The following UPF2 variants were observed in gnomAD, a reference collection of about 807,000 sequenced individuals.
UPF2 encodes the protein UPF2 regulator of nonsense mediated mRNA decay.
UPF2 carries 17 observed loss-of-function variants against 141.4 expected under a neutral mutation model. The observed-to-expected ratio is 0.12, with a 90% CI of 0.08 to 0.18. The LOEUF (loss-of-function observed/expected upper bound fraction) is 0.18, where lower values mean the gene tolerates loss of function less well. Ranked by LOEUF, UPF2 falls within the 10% of genes least tolerant of loss-of-function variation. The probability of loss-of-function intolerance (pLI) is 1.00; values close to 1 mark genes in which losing one functional copy is unlikely to be tolerated. For synonymous variants in UPF2, 540 were observed against 498.0 expected, an observed-to-expected ratio of 1.08 and a Z score of -1.12; for missense variants, 1,152 against 1,515.9, an observed-to-expected ratio of 0.76 and a Z score of 3.99.
chr10:12,010,468 A>C (rs1273505766), intron 4 of UPF2, among the ~76,000 whole-genome samples: 1 of 152,240 alleles, frequency 6.6e-6, no homozygotes, highest in African/African-American at 2.4e-5. Context: ...AAATGGAATT[A>C]AGTTATTAGA....
Position 11,931,301 on chromosome 10 carries a change from TC to T in UPF2, c.3688+339del, listed in dbSNP as rs1832779364. Among the ~76,000 whole-genome samples, 1 of 152,208 alleles carries T rather than the reference TC, an allele frequency of 6.6e-6. No individual in the cohort carries two copies. Among genetic ancestry groups the T allele is most frequent in the Non-Finnish European group, 1.5e-5 (1 of 68,032 alleles). ...TGCACAATGATGAAATTGCCTAATG[TC>T]ACATTTTTTAGAATGCATCCCTGTC... On this transcript the variant is annotated intron_variant, in intron 20 of 21. Coordinates refer to ENST00000357604, the MANE Select transcript of UPF2 (RefSeq NM_015542.4). This position sits in a 1 kb window ranked among gnomAD's most constrained non-coding sequence, Gnocchi z 5.9.
intron 16 of UPF2, among the ~76,000 whole-genome samples, chr10:11,945,696 T>C (rs1832992158): frequency 6.6e-6 from 1 of 152,116 alleles, no homozygotes; most frequent in Non-Finnish European, 1.5e-5. Flanking sequence ...AAGGAGAAAA[T>C]GCACTTAGAG....
rs1463196394 is a variant in UPF2, at chr10:11,953,789, A to C, written c.2850+1443T>G. On this transcript the variant is annotated intron_variant, in intron 14 of 21. Transcript: ENST00000357604. This position sits in a 1 kb window ranked among gnomAD's most constrained non-coding sequence, Gnocchi z 5.0. ...CCCACTTTTTGCTCATCAATTCAGA[A>C]AGTAAGGGAGTAATAGGTTTCCCTC... 6.6e-6 allele frequency among the ~76,000 whole-genome samples: 1 copy of C among 152,194 alleles called. No homozygotes were observed. The highest frequency in any genetic ancestry group is 1.5e-5 in the Non-Finnish European group (1 of 68,042).
chr10:12,029,212 G>A lies in UPF2; in HGVS notation c.678C>T (p.Cys226=), dbSNP rs187264644. 19 of 1,614,196 alleles carry A rather than the reference G, an allele frequency of 1.2e-5. No homozygotes were observed. In the East Asian group the frequency reaches 3.8e-4, roughly 32 times the overall value. ...CAGCATAACGCTGGTGAAAGAGAGA[G>A]CAGAGGTGCACAGCACAGTTCACAT... is the stretch of plus-strand genomic sequence containing the variant. The part of the protein sequence containing the change: ...ISDVNCAVHL[C]SLFHQRYADF... The change falls in exon 3 of 22, where the codon TGC becomes TGT. Residue 226 remains cysteine (C), a synonymous_variant. Transcript: ENST00000357604.
rs1269053756 is a variant in UPF2 at position 11,953,199 on chromosome 10, G to A, written c.2851-950C>T. ...TAGTATATGAACAGGTATTCCTCTG[G>A]GAGTTTTACTCTTCCTCTCCAGTTT... On this transcript the variant is annotated intron_variant, in intron 14 of 21. Coordinates refer to ENST00000357604, the MANE Select transcript of UPF2 (RefSeq NM_015542.4). This position sits in a 1 kb window ranked among gnomAD's most constrained non-coding sequence, Gnocchi z 5.0. 6.6e-6 allele frequency among the ~76,000 whole-genome samples: 1 copy of A among 152,092 alleles called. No individual in the cohort carries two copies. The highest frequency in any genetic ancestry group is 6.6e-5 in the Admixed American group (1 of 15,266).
chr10:11,986,622 T>C (rs1283833507), intron 8 of UPF2, among the ~76,000 whole-genome samples: 1 of 152,156 alleles, frequency 6.6e-6, no homozygotes, highest in Non-Finnish European at 1.5e-5. Context: ...GCTGTTACGG[T>C]GCAATTAAAG....
At position 11,979,042 on chromosome 10, in the gene UPF2, T is replaced by G; in HGVS notation, c.1953+15A>C. On this transcript the variant is annotated intron_variant, in intron 9 of 21. Transcript: ENST00000357604. This position sits in a 1 kb window ranked among gnomAD's most constrained non-coding sequence, Gnocchi z 6.2. ...AAGAATATAAATATTTCAAAATAAA[T>G]GCTTAAATACATACATGAAATCTGA... 1 of 1,574,606 alleles carries G rather than the reference T, an allele frequency of 6.4e-7. No homozygotes were observed. The highest frequency in any genetic ancestry group is 8.7e-7 in the Non-Finnish European group (1 of 1,145,862).
intron 9 of UPF2, among the ~76,000 whole-genome samples, chr10:11,971,596 A>G (rs1365034252): frequency 6.6e-6 from 1 of 152,132 alleles, no homozygotes; most frequent in African/African-American, 2.4e-5. Context: ...ATATGTCAAA[A>G]CACTTCTGGA....
rs151331636 is a variant in UPF2, at chr10:11,987,657, G to C, written c.1845-8492C>G. Among the ~76,000 whole-genome samples, 246 of 150,890 alleles carry C rather than the reference G, an allele frequency of 1.6e-3. 2 individuals are homozygous for C. Among genetic ancestry groups the C allele is most frequent in the Middle Eastern group, 6.8e-3 (2 of 294 alleles). On this transcript the variant is annotated intron_variant, in intron 8 of 21. Coordinates refer to ENST00000357604, the MANE Select transcript of UPF2 (RefSeq NM_015542.4). ...CATGCCTGTAGTCCCAGCTACTAGGGAGGCTGAGGCGGGAGAATCACTTAA... is the reference window on the plus strand; with the variant it reads ...CATGCCTGTAGTCCCAGCTACTAGGCAGGCTGAGGCGGGAGAATCACTTAA...
At chr10:11,963,819 A>G (rs1350160968) in intron 11 of UPF2, among the ~76,000 whole-genome samples, 190 bp downstream of exon 11, 1 of 152,242 alleles carries the variant, frequency 6.6e-6, no homozygotes, top group Non-Finnish European at 1.5e-5. Context: ...ACTCGCTGGT[A>G]GCCAAGTGAG....
Position 11,964,020 on chromosome 10 carries a change from T to G in UPF2, c.2173A>C (p.Ser725Arg). ...CCTCAAGCCCTTACCAAAAGTACACTGGTCCTCAGGTGAGATTCTGGAGAT... is the reference window on the plus strand; with the variant it reads ...CCTCAAGCCCTTACCAAAAGTACACGGGTCCTCAGGTGAGATTCTGGAGAT... ...FRSPESHLRT[S>R]VLLEQMMRKK... The change falls in exon 11 of 22, where the codon AGT (serine) becomes CGT (arginine). Residue 725 changes from serine (S) to arginine (R), a missense_variant. This residue lies in a region of UPF2 where 739 missense variants were observed against 1,032.2 expected (regional missense o/e 0.72). Transcript: ENST00000357604. 6.2e-7 allele frequency: 1 copy of G among 1,613,046 alleles called. No individual in the cohort carries two copies. The highest frequency in any genetic ancestry group is 8.5e-7 in the Non-Finnish European group (1 of 1,179,280).
At chr10:11,985,115 T>A (rs1833665921) in intron 8 of UPF2, among the ~76,000 whole-genome samples, 1 of 152,202 alleles carries the variant, frequency 6.6e-6, no homozygotes, top group Non-Finnish European at 1.5e-5. Flanking sequence ...TAGGGATTTT[T>A]AAAATGAGTT....
chr10:12,004,761 A>T, intron 4 of UPF2, 34 bp from the exon 5 acceptor site: 1 of 1,591,572 alleles, frequency 6.3e-7, no homozygotes, highest in Non-Finnish European at 8.6e-7. Flanking sequence ...AATTAACATA[A>T]CTTGAGGTTA....
chr10:12,039,846 C>T (rs1334274410), intron 1 of UPF2, among the ~76,000 whole-genome samples: 1 of 152,058 alleles, frequency 6.6e-6, no homozygotes, highest in Non-Finnish European at 1.5e-5. Context: ...TCTCAAACTC[C>T]CGACCTCAGG....
intron 19 of UPF2, among the ~76,000 whole-genome samples, chr10:11,932,146 C>T (rs2131153929): frequency 6.8e-6 from 1 of 147,414 alleles, no homozygotes; most frequent in South Asian, 2.2e-4. Context: ...AAGACTCCAA[C>T]TCAATTAAAA....
rs1833793533 is a variant in UPF2, at chr10:11,992,345, G to C, written c.1844+5327C>G. 6.6e-6 allele frequency among the ~76,000 whole-genome samples: 1 copy of C among 152,010 alleles called. No individual in the cohort carries two copies. Among genetic ancestry groups the C allele is most frequent in the Non-Finnish European group, 1.5e-5 (1 of 68,008 alleles). The stretch of plus-strand genomic sequence containing the variant: ...AAATATCACTCAAATACAAGAATAA[G>C]TACATTTAAGAGTAAAAAGGAAAAT... On this transcript the variant is annotated intron_variant, in intron 8 of 21. Transcript: ENST00000357604. The surrounding 1 kb of genome is among the most constrained non-coding windows in gnomAD (Gnocchi z 4.1).
At chr10:12,007,549 G>A (rs1010567621) in intron 4 of UPF2, among the ~76,000 whole-genome samples, 8 of 152,008 alleles carry the variant, frequency 5.3e-5, no homozygotes, top group East Asian at 1.9e-4. Context: ...AATTTCCGTC[G>A]GCCGGGCACA....
chr10:11,949,699 A>G (rs559639304), intron 15 of UPF2, among the ~76,000 whole-genome samples: 3 of 152,344 alleles, frequency 2.0e-5, no homozygotes, highest in African/African-American at 7.2e-5. Flanking sequence ...AACTTTAGCG[A>G]TGATGTGATT....
chr10:12,039,628 T>C (rs1345321263), intron 1 of UPF2, among the ~76,000 whole-genome samples: 5 of 151,306 alleles, frequency 3.3e-5, no homozygotes, highest in Non-Finnish European at 5.9e-5. Flanking sequence ...CTCTCTTTTT[T>C]TTTTTTTTTT....
Sources: allele counts gnomAD v4.1 joint callset (sites outside exome capture counted in the v4.1 genomes callset), GRCh38; gene constraint gnomAD v4.1.1; regional missense constraint gnomAD v4.1.1; non-coding constraint Gnocchi (gnomAD v3.1); transcripts MANE v1.5; gene names NCBI Gene and HGNC (gene_info 2026-07-23, HGNC 2026-07-21).